ZFYVE26: variants seen among roughly 807,000 people sequenced by gnomAD.
ZFYVE26 encodes the protein zinc finger FYVE-type containing 26.
Under a neutral mutation model 276.5 loss-of-function variants are expected in ZFYVE26, and 181 were observed. The ratio of observed to expected loss-of-function variants is 0.65; its 90% CI spans 0.58 to 0.74. The LOEUF (loss-of-function observed/expected upper bound fraction) is 0.74, where lower values mean the gene tolerates loss of function less well. Among genes scored for constraint, ZFYVE26 ranks in the 30% least tolerant of loss-of-function variants. The pLI is 0.00. For synonymous variants in ZFYVE26, 1,129 were observed against 1,203.1 expected, an observed-to-expected ratio of 0.94 and a Z score of 1.27; for missense variants, 2,821 against 3,097.9, an observed-to-expected ratio of 0.91 and a Z score of 2.12.
At position 67,786,114 on chromosome 14, in the gene ZFYVE26, C is replaced by T; in HGVS notation, c.3139G>A (p.Glu1047Lys). Residue 1047 changes from glutamate (E) to lysine (K), a missense_variant and splice_region_variant, in exon 17 of 42, where the codon GAG becomes AAG. Physicochemically the swap from Glu to Lys is moderately conservative, Grantham distance 56. Coordinates refer to ENST00000347230, the MANE Select transcript of ZFYVE26 (RefSeq NM_015346.4). ...LLMSASQTKS[E>K]SVEEKGGGPP... ...AAGAAAAGAGAAAAAAGCAACTCAC[C>T]TGATTTGGTTTGACTGGCTGACATA... 1.2e-6 allele frequency: 2 copies of T among 1,614,086 alleles called. No homozygotes were observed. Among genetic ancestry groups the T allele is most frequent in the South Asian group, 2.2e-5 (2 of 91,064 alleles).
Position 67,793,762 on chromosome 14 carries a change from G to C in ZFYVE26, c.2402-3C>G. On this transcript the variant is annotated splice_polypyrimidine_tract_variant and splice_region_variant and intron_variant, in intron 13 of 41. Transcript: ENST00000347230. Reference sequence around the variant, plus strand: ...AGACATGGCACTCAGACTTCCCTCTGTTGGGACACAAGAATGTGTGGGGCC... The same window carrying C: ...AGACATGGCACTCAGACTTCCCTCTCTTGGGACACAAGAATGTGTGGGGCC... The C allele has an allele frequency of 6.2e-7, 1 of 1,613,854 alleles. No homozygotes were observed. Among genetic ancestry groups the C allele is most frequent in the Non-Finnish European group, 8.5e-7 (1 of 1,179,972 alleles).
At chr14:67,813,208 G>A (rs1351170016) in intron 3 of ZFYVE26, among the ~76,000 whole-genome samples, 1 of 152,142 alleles carries the variant, frequency 6.6e-6, no homozygotes, top group Non-Finnish European at 1.5e-5. Context: ...AGTCCATCTG[G>A]GCTAAAAAAG....
At chr14:67,799,065 A>C in intron 10 of ZFYVE26, 1 of 1,187,478 alleles carries the variant, frequency 8.4e-7, no homozygotes, top group South Asian at 1.2e-5. Context: ...GTGTACGATG[A>C]GCAGGGAACA....
chr14:67,745,474 G>T (rs975394595), downstream of ZFYVE26, among the ~76,000 whole-genome samples: 195 of 141,078 alleles, frequency 1.4e-3, 2 homozygotes, highest in Admixed American at 3.1e-3. Flanking sequence ...AGTATAGTTT[G>T]TTTTTTTTTT....
intron 21 of ZFYVE26, among the ~76,000 whole-genome samples, chr14:67,781,983 C>A (rs2039512379): frequency 6.6e-6 from 1 of 152,214 alleles, no homozygotes; most frequent in Admixed American, 6.5e-5. Flanking sequence ...TGACTTAGAT[C>A]TCTCTCTTCC....
chr14:67,806,928 T>TTTTA lies in ZFYVE26; in HGVS notation c.887-257_887-254dup, dbSNP rs1296368149. Among the ~76,000 whole-genome samples, 34 of 152,142 alleles carry TTTTA rather than the reference T, an allele frequency of 2.2e-4. 2 individuals carry two copies. Among genetic ancestry groups the TTTTA allele is most frequent in the Admixed American group, 1.6e-3 (25 of 15,272 alleles). ...CTATCTTACACTAGAAAACCTATACTTTTATTTATTTATTTATTTTGAGAT... is the reference window on the plus strand; with the variant it reads ...CTATCTTACACTAGAAAACCTATACTTTTATTTATTTATTTATTTATTTTGAGAT... On this transcript the variant is annotated intron_variant, in intron 5 of 41. Coordinates refer to ENST00000347230, the MANE Select transcript of ZFYVE26 (RefSeq NM_015346.4).
chr14:67,761,809 T>G (rs2038938377), intron 34 of ZFYVE26: 1 of 592,086 alleles, frequency 1.7e-6, no homozygotes, highest in Non-Finnish European at 3.0e-6. Flanking sequence ...GGAAAAATGT[T>G]CATAATTTTT....
chr14:67,752,457 TG>T lies in ZFYVE26; in HGVS notation c.7257del (p.Tyr2419Ter), dbSNP rs771393692. On this transcript the variant is annotated frameshift_variant, in exon 40 of 42. Transcript: ENST00000347230. LOFTEE classifies it high-confidence loss of function. ...CATTTGAGCAGTTGCTGGATCTCAC[TG>T]TACTTCTCTTTCTCCACCAACTGGC... ...AARQLVEKEK[Y>X]SEIQQLLKCV... 2.5e-6 allele frequency: 4 copies of T among 1,614,202 alleles called. No homozygotes were observed. Among genetic ancestry groups the T allele is most frequent in the Non-Finnish European group, 1.7e-6 (2 of 1,180,038 alleles).
intron 35 of ZFYVE26, among the ~76,000 whole-genome samples, chr14:67,757,877 G>T (rs1194138639): frequency 6.6e-6 from 1 of 152,044 alleles, no homozygotes; most frequent in African/African-American, 2.4e-5. Context: ...ACCATGCCCA[G>T]CTAGTTTTTG....
chr14:67,749,519 C>A (rs1021496307), intron 41 of ZFYVE26, among the ~76,000 whole-genome samples: 37 of 152,154 alleles, frequency 2.4e-4, no homozygotes, highest in Non-Finnish European at 2.9e-4. Context: ...AGCAGAGAGG[C>A]CTTCATAAGC....
At chr14:67,754,291 A>C in intron 37 of ZFYVE26, 79 bp from the exon 38 acceptor site, 1 of 1,574,216 alleles carries the variant, frequency 6.4e-7, no homozygotes. Context: ...GAAGTCGAAT[A>C]ATATGGCAAT....
chr14:67,790,571 C>G lies in ZFYVE26; in HGVS notation c.2755+1G>C. 4 of 1,613,270 alleles carry G rather than the reference C, an allele frequency of 2.5e-6. No individual in the cohort carries two copies. The highest frequency in any genetic ancestry group is 3.4e-6 in the Non-Finnish European group (4 of 1,179,864). On this transcript the variant is annotated splice_donor_variant, in intron 15 of 41. Transcript: ENST00000347230. LOFTEE classifies it high-confidence loss of function. ...TTATGGTGTTAGCAGGGAAGCCTGA[C>G]CTGCTGCTGCAGCGCTGCCAATGGC... is the stretch of plus-strand genomic sequence containing the variant.
chr14:67,798,978 G>A, intron 10 of ZFYVE26: 2 of 1,125,714 alleles, frequency 1.8e-6, no homozygotes, highest in South Asian at 2.5e-5. Context: ...GAGGGGCGGG[G>A]GTGATTTACG....
intron 8 of ZFYVE26, 134 bp from the exon 9 acceptor site, chr14:67,804,398 T>C (rs1307824810): frequency 6.0e-6 from 7 of 1,172,294 alleles, no homozygotes; most frequent in Non-Finnish European, 1.2e-6. Flanking sequence ...CAATCTAAAT[T>C]TTAGTTGGTT....
In ZFYVE26 at chr14:67,755,041, C is replaced by T. The variant is rs201619539; in HGVS notation, c.6986+10G>A. 1 of 1,613,482 alleles carries T rather than the reference C, an allele frequency of 6.2e-7. No individual in the cohort carries two copies. Among genetic ancestry groups the T allele is most frequent in the Non-Finnish European group, 8.5e-7 (1 of 1,180,024 alleles). On this transcript the variant is annotated intron_variant, in intron 37 of 41. Transcript: ENST00000347230. ...GCCCCACACCAATAGTCCCCTGAACCTCCAGCTACCTTGACACATCAGCTG... is the reference window on the plus strand; with the variant it reads ...GCCCCACACCAATAGTCCCCTGAACTTCCAGCTACCTTGACACATCAGCTG...
At position 67,772,151 on chromosome 14, in the gene ZFYVE26, AG is replaced by A; in HGVS notation, c.5379del (p.Ser1794HisfsTer48). The A allele has an allele frequency of 6.2e-7, 1 of 1,613,290 alleles. No individual in the cohort carries two copies. ...GTCGCTGGGGGCACAAATTCCTGTG[AG>A]GGCTGGGTTGGTGGGAAACTCCTTT... The part of the protein sequence containing the change: ...LRERSFPPTQ[P>X]SQEFVPPATP... On this transcript the variant is annotated frameshift_variant, in exon 28 of 42. Coordinates refer to ENST00000347230, the MANE Select transcript of ZFYVE26 (RefSeq NM_015346.4). LOFTEE classifies it high-confidence loss of function.
intron 10 of ZFYVE26, among the ~76,000 whole-genome samples, chr14:67,800,924 T>TAAACATAAATAA (rs59890733): frequency 1.3e-4 from 19 of 148,620 alleles, no homozygotes; most frequent in Non-Finnish European, 2.5e-4. Context: ...AAAGTTACCG[T>TAAACATAAATAA]ATAAATAAAT....
chr14:67,752,277 A>G, intron 40 of ZFYVE26, 67 bp downstream of exon 40: 1 of 1,533,724 alleles, frequency 6.5e-7, no homozygotes, highest in South Asian at 1.2e-5. Context: ...AAAACAGAAC[A>G]ATAAAGATGG....
intron 13 of ZFYVE26, among the ~76,000 whole-genome samples, chr14:67,732,905 A>G (rs895399784): frequency 1.3e-5 from 2 of 152,092 alleles, no homozygotes; most frequent in Non-Finnish European, 2.9e-5. Context: ...TTCTTTTATC[A>G]GCACTGCATG....
Sources: gnomAD v4.1 joint callset for allele counts (sites outside exome capture counted in the v4.1 genomes callset) on GRCh38, gnomAD v4.1.1 for gene constraint, MANE v1.5 for transcripts, NCBI Gene and HGNC (gene_info 2026-07-23, HGNC 2026-07-21) for gene names.